CDKAL1: variants seen among roughly 807,000 people sequenced by gnomAD.
CDKAL1 encodes threonylcarbamoyladenosine tRNA methylthiotransferase.
In CDKAL1, 32 loss-of-function variants were observed where a neutral mutation model predicts 68.2. That is an observed-to-expected ratio of 0.47 (90% CI 0.35 to 0.63). CDKAL1 has a LOEUF of 0.63. Among genes scored for constraint, CDKAL1 ranks in the 30% least tolerant of loss-of-function variants. The pLI, the probability that CDKAL1 is intolerant of heterozygous loss-of-function variation, is 0.00. For missense variants in CDKAL1, 606 were observed against 696.7 expected (o/e 0.87, Z 1.47); for synonymous variants, 234 against 244.3 (o/e 0.96, Z 0.39).
At chr6:20,663,086 T>TA (rs1298013155) in intron 5 of CDKAL1, among the ~76,000 whole-genome samples, 1 of 152,096 alleles carries the variant, frequency 6.6e-6, no homozygotes, top group African/African-American at 2.4e-5. Context: ...AAGATGGAAG[T>TA]ACCAAACTGG....
Position 21,206,658 on chromosome 6 carries a change from G to A in CDKAL1, c.1548+5384G>A, listed in dbSNP as rs200202004. Among the ~76,000 whole-genome samples the A allele has an allele frequency of 5.9e-5, 9 of 152,190 alleles. No homozygotes were observed. The East Asian group carries it at 1.7e-3, about 29-fold the overall frequency. On this transcript the variant is annotated intron_variant, in intron 15 of 15. Coordinates refer to ENST00000274695, the MANE Select transcript of CDKAL1 (RefSeq NM_017774.3). The stretch of plus-strand genomic sequence containing the variant: ...TTAAAGAAAGAAGTAGAGTAGCATC[G>A]TGGAAGATTGAAAGGATCTGGAGTC...
intron 9 of CDKAL1, among the ~76,000 whole-genome samples, chr6:20,914,576 C>G (rs1054767041): frequency 6.6e-6 from 1 of 152,184 alleles, no homozygotes; most frequent in Non-Finnish European, 1.5e-5. Flanking sequence ...GAACAGTACT[C>G]TGTACACTAA....
chr6:21,197,027 G>A (rs1004915117), intron 13 of CDKAL1, among the ~76,000 whole-genome samples: 25 of 151,942 alleles, frequency 1.6e-4, no homozygotes, highest in Non-Finnish European at 3.1e-4. Context: ...GCATAGTGGC[G>A]CATGCCTGTA....
chr6:20,546,168 T>G (rs1763593612), intron 2 of CDKAL1, among the ~76,000 whole-genome samples, 178 bp from the exon 3 acceptor site: 1 of 141,088 alleles, frequency 7.1e-6, no homozygotes. Flanking sequence ...GTTTCTTTTT[T>G]CAATATACCC....
At chr6:20,700,893 TG>T (rs1054417534) in intron 5 of CDKAL1, among the ~76,000 whole-genome samples, 11 of 135,184 alleles carry the variant, frequency 8.1e-5, no homozygotes, top group African/African-American at 3.2e-4. Context: ...TGGAGGTTTT[TG>T]GGTTTTTTTT....
chr6:21,005,004 A>C (rs959285500), intron 11 of CDKAL1, among the ~76,000 whole-genome samples: 1 of 152,108 alleles, frequency 6.6e-6, no homozygotes, highest in African/African-American at 2.4e-5. Context: ...TGTATCTTAT[A>C]TATTTTACTA....
intron 9 of CDKAL1, among the ~76,000 whole-genome samples, chr6:20,931,020 G>A (rs1763426077): frequency 1.3e-5 from 2 of 152,222 alleles, no homozygotes; most frequent in South Asian, 4.1e-4. Context: ...TGGGATTACA[G>A]GCGTGAGCCA....
intron 9 of CDKAL1, among the ~76,000 whole-genome samples, chr6:20,856,639 C>G (rs746078579): frequency 6.6e-6 from 1 of 152,154 alleles, no homozygotes; most frequent in Admixed American, 6.5e-5. Context: ...CTTTACTAAA[C>G]AAAATTCTAC....
chr6:20,673,899 G>A (rs1769967401), intron 5 of CDKAL1, among the ~76,000 whole-genome samples: 1 of 152,164 alleles, frequency 6.6e-6, no homozygotes, highest in Non-Finnish European at 1.5e-5. Context: ...TTTATCAGCA[G>A]TGTGAAAACA....
chr6:20,844,694 A>AAAG (rs536893255), intron 8 of CDKAL1, among the ~76,000 whole-genome samples: 55 of 109,052 alleles, frequency 5.0e-4, no homozygotes, highest in African/African-American at 1.4e-3. Context: ...TATTAAAAAA[A>AAAG]AAAAGAAACA....
intron 15 of CDKAL1, among the ~76,000 whole-genome samples, 198 bp downstream of exon 15, chr6:21,201,472 T>G (rs1405957302): frequency 6.6e-6 from 1 of 152,254 alleles, no homozygotes; most frequent in Non-Finnish European, 1.5e-5. Flanking sequence ...CTTCTCTGGC[T>G]GTAAAGAGAA....
At chr6:20,734,999 G>T in intron 5 of CDKAL1, among the ~76,000 whole-genome samples, 1 of 151,652 alleles carries the variant, frequency 6.6e-6, no homozygotes. Context: ...CTCCTGAGTG[G>T]CTGGGATTAC....
intron 11 of CDKAL1, among the ~76,000 whole-genome samples, chr6:21,006,315 A>AT (rs1767726141): frequency 1.3e-5 from 2 of 152,230 alleles, no homozygotes; most frequent in South Asian, 4.1e-4. Flanking sequence ...AGAAAAAAAA[A>AT]GAATGATTCA....
intron 13 of CDKAL1, among the ~76,000 whole-genome samples, chr6:21,117,085 G>A (rs1218084658): frequency 6.6e-6 from 1 of 152,036 alleles, no homozygotes; most frequent in African/African-American, 2.4e-5. Context: ...CGATGTCAGA[G>A]TCTTGATACA....
chr6:20,837,195 T>C (rs1166751568), intron 8 of CDKAL1, among the ~76,000 whole-genome samples: 3 of 152,238 alleles, frequency 2.0e-5, no homozygotes. Context: ...GCTCACACCA[T>C]TATTTGACCC....
intron 13 of CDKAL1, among the ~76,000 whole-genome samples, chr6:21,170,318 AGGTT>A (rs981191505): frequency 6.6e-5 from 10 of 151,988 alleles, no homozygotes; most frequent in East Asian, 5.8e-4. Flanking sequence ...TCTACTTATG[AGGTT>A]GGTTGGTTGG....
At chr6:21,176,085 T>G (rs144130248) in intron 13 of CDKAL1, among the ~76,000 whole-genome samples, 64 of 152,342 alleles carry the variant, frequency 4.2e-4, no homozygotes, top group Middle Eastern at 3.4e-3. Flanking sequence ...GTGTTTTGAG[T>G]ATTGAACTGG....
chr6:20,946,417 T>G (rs1055372937), intron 9 of CDKAL1, among the ~76,000 whole-genome samples: 1 of 152,180 alleles, frequency 6.6e-6, no homozygotes, highest in Non-Finnish European at 1.5e-5. Context: ...AACTATTCCC[T>G]ATCAAAAATA....
chr6:20,884,087 C>A (rs945378437), intron 9 of CDKAL1, among the ~76,000 whole-genome samples: 1 of 152,114 alleles, frequency 6.6e-6, no homozygotes, highest in African/African-American at 2.4e-5. Context: ...AAATCAAATT[C>A]AACAGCATAT....
Sources: allele counts gnomAD v4.1 joint callset (sites outside exome capture counted in the v4.1 genomes callset), GRCh38; gene constraint gnomAD v4.1.1; transcripts MANE v1.5; gene names NCBI Gene and HGNC (gene_info 2026-07-23, HGNC 2026-07-21).